PPY: variants seen among roughly 807,000 people sequenced by gnomAD.
PPY encodes pancreatic polypeptide prohormone.
PPY carries 6 observed loss-of-function variants against 9.3 expected under a neutral mutation model. That is an observed-to-expected ratio of 0.64 (90% CI 0.35 to 1.27). PPY has a LOEUF of 1.27. Among genes scored for constraint, PPY ranks in the 50% most tolerant of loss-of-function variants. PPY has a pLI of 0.03. For synonymous variants in PPY, 58 were observed against 54.6 expected (o/e 1.06, Z -0.27); for missense variants, 109 against 119.1 (o/e 0.91, Z 0.40).
intron 2 of PPY, 58 bp from the exon 3 acceptor site, chr17:43,941,272 T>C (rs886468635): frequency 1.8e-5 from 28 of 1,536,554 alleles, no homozygotes; most frequent in Non-Finnish European, 2.5e-5. Flanking sequence ...CCCACCTGTT[T>C]CATATCTGCC....
intron 2 of PPY, 73 bp downstream of exon 2, chr17:43,941,391 G>C (rs574565464): frequency 3.1e-6 from 5 of 1,595,948 alleles, no homozygotes; most frequent in South Asian, 2.2e-5. Flanking sequence ...CTGGGGATAG[G>C]GTGTGGCCAG....
rs374151971 is a variant in PPY at position 43,940,826 on chromosome 17, G to A, written c.*102C>T. The A allele has an allele frequency of 1.4e-6, 2 of 1,463,956 alleles. No individual in the cohort carries two copies. The highest frequency in any genetic ancestry group is 4.9e-5 in the East Asian group (2 of 40,804). 90.7% of individuals were successfully genotyped at this position (1,463,956 alleles called of 1,614,324 possible). On this transcript the variant is annotated 3_prime_UTR_variant, in exon 4 of 4. Coordinates refer to ENST00000225992, the MANE Select transcript of PPY (RefSeq NM_002722.5). Reference sequence around the variant, plus strand: ...CTGTGGCTTTGACTTGCTTTATTGAGCCTGTGTGGGAGCAGGGAGCAAGCT... The same window carrying A: ...CTGTGGCTTTGACTTGCTTTATTGAACCTGTGTGGGAGCAGGGAGCAAGCT...
upstream of PPY, among the ~76,000 whole-genome samples, chr17:43,942,691 G>T (rs377733248): frequency 3.9e-5 from 6 of 152,300 alleles, no homozygotes; most frequent in African/African-American, 1.4e-4. The surrounding 1 kb of genome is among the most constrained non-coding windows in gnomAD (Gnocchi z 5.3). Flanking sequence ...CACAGTAAAA[G>T]TCTCCTGTGG....
upstream of PPY, among the ~76,000 whole-genome samples, chr17:43,942,619 C>T (rs752817857): frequency 5.9e-5 from 9 of 152,222 alleles, no homozygotes; most frequent in African/African-American, 1.9e-4. This position sits in a 1 kb window ranked among gnomAD's most constrained non-coding sequence, Gnocchi z 5.3. Context: ...AGGCCAGAGA[C>T]GGGAGGGGGA....
rs1597836274 is a variant in PPY at position 43,941,038 on chromosome 17, T to G, written c.264-86A>C. On this transcript the variant is annotated intron_variant, in intron 3 of 3. Transcript: ENST00000225992. ...TCAGGCTGGCCCTGGGCTCCTGTTC[T>G]CCCTCTTCCACCCCCCACTACACCT... 1.9e-6 allele frequency: 3 copies of G among 1,550,048 alleles called. No individual in the cohort carries two copies. In the South Asian group the frequency reaches 3.6e-5, roughly 18 times the overall value.
upstream of PPY, among the ~76,000 whole-genome samples, chr17:43,943,710 G>T (rs968106488): frequency 3.3e-5 from 5 of 152,168 alleles, no homozygotes; most frequent in Non-Finnish European, 7.3e-5. Context: ...GAGATGGGGG[G>T]GACTGTTGGG....
At position 43,942,056 on chromosome 17, in the gene PPY, C is replaced by G. The variant is rs143102679; in HGVS notation, c.-1+365G>C. On this transcript the variant is annotated intron_variant, in intron 1 of 3. Coordinates refer to ENST00000225992, the MANE Select transcript of PPY (RefSeq NM_002722.5). The surrounding 1 kb of genome is among the most constrained non-coding windows in gnomAD (Gnocchi z 5.3). ...AACTCGGGAAGCCAAGGACAGAAATCCATGGCCTTGTGGGTCTGGCCCTCC... is the reference window on the plus strand; with the variant it reads ...AACTCGGGAAGCCAAGGACAGAAATGCATGGCCTTGTGGGTCTGGCCCTCC... 8.1e-6 allele frequency: 2 copies of G among 246,460 alleles called. No individual in the cohort carries two copies. The highest frequency in any genetic ancestry group is 1.6e-5 in the Non-Finnish European group (2 of 123,366). The allele number at this position is 246,460 out of a possible 1,614,324, so 15.3% of individuals were successfully genotyped here. A position where few individuals can be genotyped will look rare whatever the true frequency, so the allele number is the denominator to read the frequency against.
chr17:43,943,350 A>C (rs187005040), upstream of PPY, among the ~76,000 whole-genome samples: 30 of 152,062 alleles, frequency 2.0e-4, no homozygotes, highest in Non-Finnish European at 4.4e-4. Context: ...TTAACTCCAA[A>C]CCTGGACTGT....
Position 43,941,456 on chromosome 17 carries a change from GCA to G in PPY, c.191+6_191+7del, listed in dbSNP as rs758832731. The G allele has an allele frequency of 9.3e-6, 15 of 1,613,690 alleles. No homozygotes were observed. In the African/African-American group the frequency reaches 1.6e-4, roughly 17 times the overall value. ...GCTGGGATCTCTCTCCCCAACTGTG[GCA>G]CACACCTAGGCCTGGTCAGCATGTT... On this transcript the variant is annotated splice_donor_region_variant and intron_variant, in intron 2 of 3. Transcript: ENST00000225992.
Position 43,942,110 on chromosome 17 carries a change from C to T in PPY, c.-1+311G>A. On this transcript the variant is annotated intron_variant, in intron 1 of 3. Coordinates refer to ENST00000225992, the MANE Select transcript of PPY (RefSeq NM_002722.5). The surrounding 1 kb of genome is among the most constrained non-coding windows in gnomAD (Gnocchi z 5.3). ...CTGCGATAGAGACACAGATATCGGT[C>T]CTGGAGAAGACGCTACTGTCCATGT... 4.5e-6 allele frequency: 1 copy of T among 221,220 alleles called. No individual in the cohort carries two copies. The highest frequency in any genetic ancestry group is 9.2e-6 in the Non-Finnish European group (1 of 108,552). The allele number at this position is 221,220 out of a possible 1,614,324, so 13.7% of individuals were successfully genotyped here. A position where few individuals can be genotyped will look rare whatever the true frequency, so the allele number is the denominator to read the frequency against.
Position 43,940,852 on chromosome 17 carries a change from T to G in PPY, c.*76A>C. The stretch of plus-strand genomic sequence containing the variant: ...CCTGTGTGGGAGCAGGGAGCAAGCT[T>G]TGGCCAGAGCCAAGGGTGCAGAGGG... On this transcript the variant is annotated 3_prime_UTR_variant, in exon 4 of 4. Coordinates refer to ENST00000225992, the MANE Select transcript of PPY (RefSeq NM_002722.5). 1 of 1,544,324 alleles carries G rather than the reference T, an allele frequency of 6.5e-7. No homozygotes were observed. The highest frequency in any genetic ancestry group is 8.8e-7 in the Non-Finnish European group (1 of 1,135,774).
At chr17:43,941,392 G>A in intron 2 of PPY, 72 bp downstream of exon 2, 1 of 1,596,756 alleles carries the variant, frequency 6.3e-7, no homozygotes, top group Admixed American at 1.7e-5. Context: ...TGGGGATAGG[G>A]TGTGGCCAGG....
chr17:43,941,345 T>A, intron 2 of PPY, 119 bp downstream of exon 2: 5 of 1,527,230 alleles, frequency 3.3e-6, no homozygotes, highest in Non-Finnish European at 4.5e-6. Flanking sequence ...TGCCCTGTTT[T>A]CCCAAGAGCA....
At position 43,941,146 on chromosome 17, in the gene PPY, G is replaced by C. The variant is rs957320380; in HGVS notation, c.260C>G (p.Pro87Arg). ...CAGGGCAGGGAGTCAAACTCACCTG[G>C]GGACAGCAGCATGCGGGGACCCCCA... ...SEWGSPHAAV[P>R]RELSPLDL The change falls in exon 3 of 4, where the codon CCC becomes CGC. Residue 87 changes from proline to arginine, a missense_variant. Coordinates refer to ENST00000225992, the MANE Select transcript of PPY (RefSeq NM_002722.5). 6.4e-7 allele frequency: 1 copy of C among 1,551,640 alleles called. No homozygotes were observed. The highest frequency in any genetic ancestry group is 1.4e-5 in the African/African-American group (1 of 73,142).
In PPY at chr17:43,941,557, T is replaced by C. The variant is rs2048578433; in HGVS notation, c.98A>G (p.Glu33Gly). 1 of 1,613,838 alleles carries C rather than the reference T, an allele frequency of 6.2e-7. No individual in the cohort carries two copies. The highest frequency in any genetic ancestry group is 1.3e-5 in the African/African-American group (1 of 74,902). Residue 33 changes from glutamate (E) to glycine (G), a missense_variant, in exon 2 of 4, where the codon GAG becomes GGG. Glu to Gly is a moderately conservative substitution (Grantham distance 98, BLOSUM62 -2). Coordinates refer to ENST00000225992, the MANE Select transcript of PPY (RefSeq NM_002722.5). ...PLLGAQGAPLEPVYPGDNATP... is the reference protein window; with the variant it reads ...PLLGAQGAPLGPVYPGDNATP... The stretch of plus-strand genomic sequence containing the variant: ...GGCATTGTCCCCTGGGTACACTGGC[T>C]CCAGTGGGGCTCCCTGGGCACCCAG...
In PPY at chr17:43,941,550, C is replaced by T. The variant is rs1215759928; in HGVS notation, c.105G>A (p.Val35=). 6.8e-6 allele frequency: 11 copies of T among 1,613,910 alleles called. No homozygotes were observed. The South Asian group carries it at 1.2e-4, about 18-fold the overall frequency. ...LGAQGAPLEP[V]YPGDNATPEQ... is the part of the protein sequence containing the mutation. ...CTGGTGTGGCATTGTCCCCTGGGTA[C>T]ACTGGCTCCAGTGGGGCTCCCTGGG... The change falls in exon 2 of 4, where the codon GTG becomes GTA. Residue 35 remains valine, a synonymous_variant. Transcript: ENST00000225992.
chr17:43,941,067 C>T, intron 3 of PPY, 76 bp downstream of exon 3: 1 of 1,546,814 alleles, frequency 6.5e-7, no homozygotes, highest in Non-Finnish European at 8.8e-7. Context: ...TACACCTTTC[C>T]AAGCCCTGAT....
rs930790902 is a variant in PPY at position 43,941,462 on chromosome 17, A to C, written c.191+2T>G. ...ATCTCTCTCCCCAACTGTGGCACAC[A>C]CCTAGGCCTGGTCAGCATGTTGATG... is the stretch of plus-strand genomic sequence containing the variant. On this transcript the variant is annotated splice_donor_variant, in intron 2 of 3. Coordinates refer to ENST00000225992, the MANE Select transcript of PPY (RefSeq NM_002722.5). LOFTEE classifies it high-confidence loss of function. 1 of 1,613,782 alleles carries C rather than the reference A, an allele frequency of 6.2e-7. No individual in the cohort carries two copies. Among genetic ancestry groups the C allele is most frequent in the African/African-American group, 1.3e-5 (1 of 75,020 alleles).
intron 2 of PPY, 44 bp from the exon 3 acceptor site, chr17:43,941,258 C>A: frequency 1.3e-6 from 2 of 1,543,800 alleles, no homozygotes; most frequent in Non-Finnish European, 1.8e-6. Context: ...TGCCCAGGTG[C>A]CAGCCCACCT....
Sources: allele counts gnomAD v4.1 joint callset (sites outside exome capture counted in the v4.1 genomes callset), GRCh38; gene constraint gnomAD v4.1.1; non-coding constraint Gnocchi (gnomAD v3.1); transcripts MANE v1.5; gene names NCBI Gene and HGNC (gene_info 2026-07-23, HGNC 2026-07-21).